CRACD: variants seen among roughly 807,000 people sequenced by gnomAD.
The protein encoded by CRACD is capping protein-inhibiting regulator of actin dynamics.
CRACD carries 56 observed loss-of-function variants against 106.8 expected under a neutral mutation model. The ratio of observed to expected loss-of-function variants is 0.52; its 90% CI spans 0.42 to 0.66. The LOEUF is 0.66. CRACD is among the 30% of genes least tolerant of loss of function. CRACD has a pLI of 0.00. For missense variants in CRACD, 1,730 were observed against 1,623.2 expected, an observed-to-expected ratio of 1.07 and a Z score of -1.13; for synonymous variants, 754 against 670.8, an observed-to-expected ratio of 1.12 and a Z score of -1.92.
intron 2 of CRACD, among the ~76,000 whole-genome samples, chr4:56,214,681 C>CTATATATATATATATATATATA (rs545506498): frequency 2.0e-4 from 16 of 80,938 alleles, no homozygotes; most frequent in Non-Finnish European, 3.1e-4. Context: ...CTCTCTCTCT[C>CTATATATATATATATATATATA]TATATATATA....
intron 1 of CRACD, among the ~76,000 whole-genome samples, chr4:56,088,279 G>A (rs1350940205): frequency 6.6e-6 from 1 of 152,056 alleles, no homozygotes; most frequent in Non-Finnish European, 1.5e-5. Context: ...CTGATAGGTA[G>A]TTTTTTCAGT....
chr4:56,208,008 G>A (rs930578847), intron 2 of CRACD, among the ~76,000 whole-genome samples: 1 of 149,416 alleles, frequency 6.7e-6, no homozygotes, highest in African/African-American at 2.5e-5. Context: ...TTTTAGAGAT[G>A]AGGGTCTCAC....
At chr4:56,065,546 A>G (rs896078856) in intron 1 of CRACD, among the ~76,000 whole-genome samples, 1 of 152,050 alleles carries the variant, frequency 6.6e-6, no homozygotes, top group South Asian at 2.1e-4. Context: ...AGTATCTGCA[A>G]CCTCCGGTGA....
chr4:56,188,682 TCTCTCACA>T (rs1397881377), intron 2 of CRACD, among the ~76,000 whole-genome samples: 16 of 111,748 alleles, frequency 1.4e-4, no homozygotes, highest in African/African-American at 7.1e-4. Flanking sequence ...TCTCTCTCTC[TCTCTCACA>T]CACACACACA....
chr4:56,310,365 T>C (rs897317436), intron 5 of CRACD, among the ~76,000 whole-genome samples: 7 of 152,152 alleles, frequency 4.6e-5, no homozygotes, highest in Middle Eastern at 3.2e-3. Context: ...AAAGTGGCTG[T>C]TGAGCTACTC....
chr4:56,299,054 C>T (rs1241366345), intron 4 of CRACD, among the ~76,000 whole-genome samples: 9 of 152,196 alleles, frequency 5.9e-5, no homozygotes, highest in Admixed American at 5.9e-4. Flanking sequence ...GTGCACAACA[C>T]ATATCCACTT....
chr4:56,148,280 TTTAA>T (rs1259203437), intron 1 of CRACD, among the ~76,000 whole-genome samples: 2 of 144,600 alleles, frequency 1.4e-5, no homozygotes, highest in African/African-American at 5.7e-5. Flanking sequence ...TTGTTTTTTT[TTTAA>T]AAAAAAAAAA....
chr4:56,275,838 A>G (rs1459881000), intron 3 of CRACD, among the ~76,000 whole-genome samples: 1 of 152,188 alleles, frequency 6.6e-6, no homozygotes, highest in African/African-American at 2.4e-5. Context: ...TGTGAGGGAG[A>G]ATTTCCTAAT....
At chr4:56,088,527 A>C (rs1396592070) in intron 1 of CRACD, among the ~76,000 whole-genome samples, 2 of 151,950 alleles carry the variant, frequency 1.3e-5, no homozygotes. Context: ...AGAAATACTT[A>C]CTTATACCAA....
At chr4:56,102,549 T>G (rs1733815520) in intron 1 of CRACD, among the ~76,000 whole-genome samples, 1 of 152,204 alleles carries the variant, frequency 6.6e-6, no homozygotes, top group African/African-American at 2.4e-5. Context: ...AATTACCTTT[T>G]TGGTGCTGTT....
chr4:56,050,999 A>G lies in CRACD; in HGVS notation c.-336+1700A>G, dbSNP rs536480195. Among the ~76,000 whole-genome samples the G allele has an allele frequency of 2.6e-5, 4 of 152,322 alleles. No homozygotes were observed. In the South Asian group the frequency reaches 6.2e-4, roughly 24 times the overall value. On this transcript the variant is annotated intron_variant, in intron 1 of 10. Coordinates refer to ENST00000682029, the MANE Select transcript of CRACD (RefSeq NM_001393381.1). ...AGTTCATAGTTCTTCATAAACTACA[A>G]AGCACTATAATAAATGTAAGTTATT... is the stretch of plus-strand genomic sequence containing the variant.
intron 2 of CRACD, among the ~76,000 whole-genome samples, chr4:56,207,410 G>C (rs1291064976): frequency 6.6e-6 from 1 of 152,168 alleles, no homozygotes; most frequent in Non-Finnish European, 1.5e-5. Flanking sequence ...GCCTATCCAG[G>C]AGAGTGAAGG....
At chr4:56,325,410 A>G (rs1304995548) in intron 10 of CRACD, among the ~76,000 whole-genome samples, 1 of 152,210 alleles carries the variant, frequency 6.6e-6, no homozygotes, top group Non-Finnish European at 1.5e-5. Flanking sequence ...CGGGTTGGAA[A>G]TGGAAACTGC....
At chr4:56,313,892 CCT>C in intron 7 of CRACD, 146 bp from the exon 8 acceptor site, 2 of 1,070,738 alleles carry the variant, frequency 1.9e-6, no homozygotes, top group Non-Finnish European at 1.3e-6. Flanking sequence ...GTGACCGATG[CCT>C]GAGTTTAGCT....
At chr4:56,196,602 G>A (rs1348227241) in intron 2 of CRACD, among the ~76,000 whole-genome samples, 1 of 152,146 alleles carries the variant, frequency 6.6e-6, no homozygotes, top group African/African-American at 2.4e-5. Context: ...AACAGCTAAA[G>A]CAGCTTAAAC....
intron 1 of CRACD, among the ~76,000 whole-genome samples, chr4:56,107,051 G>C (rs1733969583): frequency 6.6e-6 from 1 of 152,134 alleles, no homozygotes; most frequent in Non-Finnish European, 1.5e-5. Context: ...GCTCACTGCA[G>C]CCTCAAACTC....
chr4:56,304,390 T>G (rs1289920536), intron 4 of CRACD, among the ~76,000 whole-genome samples: 1 of 151,774 alleles, frequency 6.6e-6, no homozygotes, highest in Non-Finnish European at 1.5e-5. Flanking sequence ...TGGACATTAT[T>G]TCAATTCAGA....
At chr4:56,190,022 A>C in intron 2 of CRACD, among the ~76,000 whole-genome samples, 1 of 123,112 alleles carries the variant, frequency 8.1e-6, no homozygotes, top group Admixed American at 1.1e-4. Context: ...TCCTGTGTCC[A>C]TGTGTTCTCA....
chr4:56,258,679 C>T (rs909643258), intron 2 of CRACD, among the ~76,000 whole-genome samples: 2 of 152,154 alleles, frequency 1.3e-5, no homozygotes, highest in Non-Finnish European at 2.9e-5. Flanking sequence ...GGGAAATCCC[C>T]CCAGTGGGTA....
Sources: allele counts gnomAD v4.1 joint callset (sites outside exome capture counted in the v4.1 genomes callset), GRCh38; gene constraint gnomAD v4.1.1; transcripts MANE v1.5; gene names NCBI Gene and HGNC (gene_info 2026-07-23, HGNC 2026-07-21).